PITPNM3: variants seen among roughly 807,000 people sequenced by gnomAD.
PITPNM3 encodes membrane-associated phosphatidylinositol transfer protein 3.
PITPNM3 carries 26 observed loss-of-function variants against 102.0 expected under a neutral mutation model. That is an observed-to-expected ratio of 0.25 (90% CI 0.19 to 0.35). PITPNM3 has a LOEUF of 0.35. Ranked by LOEUF, PITPNM3 falls within the 10% of genes least tolerant of loss-of-function variation. PITPNM3 has a pLI of 1.00. For synonymous variants in PITPNM3, 578 were observed against 558.6 expected, an observed-to-expected ratio of 1.03 and a Z score of -0.49; for missense variants, 1,083 against 1,346.1, an observed-to-expected ratio of 0.80 and a Z score of 3.06.
At chr17:6,496,353 A>C (rs1272457659) in intron 4 of PITPNM3, among the ~76,000 whole-genome samples, 1 of 149,206 alleles carries the variant, frequency 6.7e-6, no homozygotes, top group Non-Finnish European at 1.5e-5. Flanking sequence ...GCTCTCCCAC[A>C]CTCGCCCCTC....
chr17:6,529,347 C>A (rs1184677841), intron 2 of PITPNM3, among the ~76,000 whole-genome samples: 4 of 152,164 alleles, frequency 2.6e-5, no homozygotes, highest in Non-Finnish European at 2.9e-5. Context: ...GTAATCCCAG[C>A]ACTTTGTGAG....
intron 2 of PITPNM3, among the ~76,000 whole-genome samples, chr17:6,529,374 C>T (rs767945032): frequency 6.6e-6 from 1 of 152,110 alleles, no homozygotes; most frequent in Admixed American, 6.6e-5. Flanking sequence ...GCGGGCAAAT[C>T]ACAAGGGCAG....
intron 6 of PITPNM3, among the ~76,000 whole-genome samples, chr17:6,481,988 CTCTCT>C (rs1905735449): frequency 3.8e-4 from 1 of 2,658 alleles, no homozygotes; most frequent in Non-Finnish European, 7.1e-4. Flanking sequence ...AACAGAACCT[CTCTCT>C]CTCTCTCTCT....
chr17:6,497,972 C>T (rs112199550), intron 4 of PITPNM3, among the ~76,000 whole-genome samples: 5 of 152,272 alleles, frequency 3.3e-5, no homozygotes, highest in South Asian at 2.1e-4. Context: ...GTGAGGCAGC[C>T]GCAGGTCTCC....
rs1298264453 is a variant in PITPNM3 at position 6,540,159 on chromosome 17, G to C, written c.23-2077C>G. 1.2e-4 allele frequency among the ~76,000 whole-genome samples: 19 copies of C among 152,206 alleles called. 1 individual carries two copies. Among genetic ancestry groups the C allele is most frequent in the Admixed American group, 1.2e-3 (19 of 15,276 alleles). On this transcript the variant is annotated intron_variant, in intron 1 of 19. Coordinates refer to ENST00000262483, the MANE Select transcript of PITPNM3 (RefSeq NM_031220.4). ...CCATTTGAGGGAGCAAGTTCTCCCA[G>C]CTACAGGTGAGCAGAAAAGGAAGGG...
Position 6,495,412 on chromosome 17 carries a change from CAG to C in PITPNM3, c.274+8113_274+8114del, listed in dbSNP as rs745915104. 1.4e-4 allele frequency among the ~76,000 whole-genome samples: 21 copies of C among 152,228 alleles called. No individual in the cohort carries two copies. In the South Asian group the frequency reaches 4.3e-3, roughly 32 times the overall value. On this transcript the variant is annotated intron_variant, in intron 4 of 19. Transcript: ENST00000262483. The stretch of plus-strand genomic sequence containing the variant: ...TTCCCAAGAGGAAAGGATTTGGAGA[CAG>C]AGAATGCTTCAGGGTGAAAAGAGAT...
chr17:6,464,441 C>A, intron 15 of PITPNM3, 123 bp from the exon 16 acceptor site: 1 of 1,189,982 alleles, frequency 8.4e-7, no homozygotes, highest in Non-Finnish European at 1.2e-6. Flanking sequence ...TCCTGCCAGC[C>A]TGGCTCCTCA....
intron 4 of PITPNM3, among the ~76,000 whole-genome samples, chr17:6,498,931 CA>C (rs1309374586): frequency 6.6e-6 from 1 of 152,088 alleles, no homozygotes; most frequent in Admixed American, 6.5e-5. Context: ...AAGGCAGAAA[CA>C]GAAAGAGGCA....
intron 4 of PITPNM3, among the ~76,000 whole-genome samples, chr17:6,484,865 C>T (rs920197514): frequency 2.0e-5 from 3 of 152,206 alleles, no homozygotes; most frequent in Non-Finnish European, 2.9e-5. Flanking sequence ...CCGTGAGGGT[C>T]TGAGCAGAAC....
chr17:6,516,007 C>T (rs1229751427), intron 3 of PITPNM3, among the ~76,000 whole-genome samples: 1 of 152,038 alleles, frequency 6.6e-6, no homozygotes, highest in Non-Finnish European at 1.5e-5. Context: ...ACAGCGAGAC[C>T]CTGTCTCTAC....
At chr17:6,555,125 C>T (rs1910532681) in intron 1 of PITPNM3, among the ~76,000 whole-genome samples, 1 of 152,170 alleles carries the variant, frequency 6.6e-6, no homozygotes, top group South Asian at 2.1e-4. Context: ...TGTCATCTCA[C>T]AGTGCCTCCC....
rs771796178 is a variant in PITPNM3 at position 6,463,795 on chromosome 17, G to A, written c.2243C>T (p.Ala748Val). ...CVVFSIDGSFAASVSIMGSDP... is the reference protein window; with the variant it reads ...CVVFSIDGSFVASVSIMGSDP... ...GCTTCCCATGATAGACACGCTGGCC[G>A]CGAAGGACCCATCAATGCTGAACAC... Residue 748 changes from alanine to valine, a missense_variant, in exon 17 of 20, where the codon GCG becomes GTG. Coordinates refer to ENST00000262483, the MANE Select transcript of PITPNM3 (RefSeq NM_031220.4). The A allele has an allele frequency of 6.2e-6, 10 of 1,613,188 alleles. No individual in the cohort carries two copies. The highest frequency in any genetic ancestry group is 6.8e-6 in the Non-Finnish European group (8 of 1,179,918).
intron 9 of PITPNM3, among the ~76,000 whole-genome samples, chr17:6,475,867 A>G (rs1412078438): frequency 2.0e-5 from 3 of 152,214 alleles, no homozygotes; most frequent in African/African-American, 7.2e-5. Flanking sequence ...CTAAAGGATC[A>G]TCTGTCAGCG....
intron 9 of PITPNM3, among the ~76,000 whole-genome samples, chr17:6,475,214 C>A (rs1012587989): frequency 1.3e-5 from 2 of 152,194 alleles, no homozygotes; most frequent in South Asian, 4.1e-4. Context: ...CACCCCCAGC[C>A]CCAGCCCACA....
At chr17:6,505,758 A>G (rs551713129) in intron 3 of PITPNM3, among the ~76,000 whole-genome samples, 1 of 152,360 alleles carries the variant, frequency 6.6e-6, no homozygotes, top group East Asian at 1.9e-4. Context: ...GCCAAGCCCC[A>G]TGCTAGGGGC....
chr17:6,517,923 T>C lies in PITPNM3; in HGVS notation c.226+7433A>G, dbSNP rs1225310872. On this transcript the variant is annotated intron_variant, in intron 3 of 19. Coordinates refer to ENST00000262483, the MANE Select transcript of PITPNM3 (RefSeq NM_031220.4). This position sits in a 1 kb window ranked among gnomAD's most constrained non-coding sequence, Gnocchi z 4.1. ...TTTCTAGAACTACAAAAAAAGGAGG[T>C]ATATAAGAAATTTGATGGTGTCAAT... Among the ~76,000 whole-genome samples, 1 of 151,924 alleles carries C rather than the reference T, an allele frequency of 6.6e-6. No individual in the cohort carries two copies. The highest frequency in any genetic ancestry group is 1.5e-5 in the Non-Finnish European group (1 of 67,984).
At chr17:6,482,062 C>CTG (rs1567670453) in intron 6 of PITPNM3, among the ~76,000 whole-genome samples, 1 of 119,870 alleles carries the variant, frequency 8.3e-6, no homozygotes, top group African/African-American at 2.9e-5. Flanking sequence ...CTCTCTCTCT[C>CTG]TCTGTCTCTC....
At chr17:6,547,067 C>A (rs1222014934) in intron 1 of PITPNM3, among the ~76,000 whole-genome samples, 1 of 152,008 alleles carries the variant, frequency 6.6e-6, no homozygotes, top group East Asian at 1.9e-4. Flanking sequence ...ATTTCCACAG[C>A]CTCTGCTGCC....
Position 6,474,496 on chromosome 17 carries a change from G to T in PITPNM3, c.1194C>A (p.Phe398Leu). Residue 398 changes from phenylalanine (F) to leucine (L), a missense_variant, in exon 10 of 20, where the codon TTC (phenylalanine) becomes TTA (leucine). Physicochemically the swap from Phe to Leu is conservative, Grantham distance 22. Coordinates refer to ENST00000262483, the MANE Select transcript of PITPNM3 (RefSeq NM_031220.4). ...CCAGGCCCAGTGGCGAGCCGAAGAG[G>T]AAGAAGTCGGACACATCGAAGTCAA... ...GRFDFDVSDF[F>L]LFGSPLGLVL... The T allele has an allele frequency of 6.2e-7, 1 of 1,613,534 alleles. No homozygotes were observed. The highest frequency in any genetic ancestry group is 8.5e-7 in the Non-Finnish European group (1 of 1,179,930).
Sources: gnomAD v4.1 joint callset for allele counts (sites outside exome capture counted in the v4.1 genomes callset) on GRCh38, gnomAD v4.1.1 for gene constraint, Gnocchi (gnomAD v3.1) non-coding constraint, MANE v1.5 for transcripts, NCBI Gene and HGNC (gene_info 2026-07-23, HGNC 2026-07-21) for gene names.